The following NCOA3 variants were observed in gnomAD, a reference collection of about 807,000 sequenced individuals.
NCOA3 encodes CBP-interacting protein.
A neutral mutation model predicts 158.8 loss-of-function variants in NCOA3; 51 were observed. That is an observed-to-expected ratio of 0.32 (90% CI 0.26 to 0.41). The LOEUF (loss-of-function observed/expected upper bound fraction) is 0.41. Among genes scored for constraint, NCOA3 ranks in the 10% least tolerant of loss-of-function variants. The pLI is 1.00. For synonymous variants in NCOA3, 537 were observed against 592.4 expected (o/e 0.91, Z 1.36); for missense variants, 1,510 against 1,746.6 (o/e 0.86, Z 2.41).
At chr20:47,558,401 C>T (rs112158123) in intron 1 of NCOA3, among the ~76,000 whole-genome samples, 2,558 of 151,734 alleles carry the variant, frequency 0.017, 76 homozygotes, top group African/African-American at 0.059. Context: ...CTTACAAGGG[C>T]GCCAGTCATA....
At chr20:47,567,852 T>C (rs563916736) in intron 1 of NCOA3, among the ~76,000 whole-genome samples, 4 of 152,240 alleles carry the variant, frequency 2.6e-5, no homozygotes, top group Admixed American at 1.3e-4. Context: ...ATTACAGGTG[T>C]GAGCCACCGT....
intron 2 of NCOA3, among the ~76,000 whole-genome samples, chr20:47,610,383 C>G (rs1035065687): frequency 2.8e-4 from 43 of 152,078 alleles, no homozygotes; most frequent in African/African-American, 1.0e-3. Context: ...CCATGCCCAG[C>G]TAATTTTTGT....
At chr20:47,532,636 TAAAA>T (rs1055502326) in intron 1 of NCOA3, among the ~76,000 whole-genome samples, 6 of 151,958 alleles carry the variant, frequency 3.9e-5, no homozygotes, top group Non-Finnish European at 8.8e-5. Context: ...TGCAGCTAAT[TAAAA>T]AAATTTTTTT....
At chr20:47,515,560 C>T (rs2084221443) in intron 1 of NCOA3, among the ~76,000 whole-genome samples, 1 of 149,860 alleles carries the variant, frequency 6.7e-6, no homozygotes, top group Non-Finnish European at 1.5e-5. Context: ...GATCTCGGCT[C>T]ACTGCAGTCT....
chr20:47,577,399 G>T (rs776053440), intron 1 of NCOA3, among the ~76,000 whole-genome samples: 1 of 152,160 alleles, frequency 6.6e-6, no homozygotes, highest in Non-Finnish European at 1.5e-5. Context: ...TTTTGGATTT[G>T]TCTTGCTTTC....
intron 14 of NCOA3, 88 bp downstream of exon 14, chr20:47,639,290 A>G: frequency 1.7e-6 from 2 of 1,168,398 alleles, no homozygotes; most frequent in East Asian, 4.9e-5. Context: ...GGGAGTAAAT[A>G]ATAACTTTTT....
Position 47,636,053 on chromosome 20 carries a change from T to G in NCOA3, c.1667T>G (p.Ile556Ser), listed in dbSNP as rs1466845183. ...TTGGATAACTCTCCCAATATGAATA[T>G]TACCCAACCAAGTAAAGTAAGCAAT... ...PKLDNSPNMN[I>S]TQPSKVSNQD... Residue 556 changes from isoleucine to serine, a missense_variant, in exon 12 of 23, where the codon ATT becomes AGT. This residue lies in a region of NCOA3 where 1,017 missense variants were observed against 1,098.3 expected (regional missense o/e 0.93). Coordinates refer to ENST00000371998, the MANE Select transcript of NCOA3 (RefSeq NM_181659.3). 6.2e-7 allele frequency: 1 copy of G among 1,614,114 alleles called. No individual in the cohort carries two copies.
intron 1 of NCOA3, among the ~76,000 whole-genome samples, chr20:47,561,276 A>C (rs1477788648): frequency 8.1e-6 from 1 of 123,902 alleles, no homozygotes; most frequent in African/African-American, 3.0e-5. Context: ...GGACTGGCCA[A>C]TTTTTTTTTT....
At chr20:47,609,462 G>T (rs1168462288) in intron 2 of NCOA3, among the ~76,000 whole-genome samples, 1 of 152,162 alleles carries the variant, frequency 6.6e-6, no homozygotes, top group East Asian at 1.9e-4. Flanking sequence ...GGATAGGCAG[G>T]TTTTGTGAAG....
In NCOA3 at chr20:47,648,966, G is replaced by C. The variant is rs72645296; in HGVS notation, c.3547-39G>C. ...TGGAAAGCTGTTTTGGCAGACTGAC[G>C]TGCTCTGCTTGCATTCTAACCAACT... On this transcript the variant is annotated intron_variant, in intron 18 of 22. Coordinates refer to ENST00000371998, the MANE Select transcript of NCOA3 (RefSeq NM_181659.3). The C allele has an allele frequency of 5.8e-4, 762 of 1,316,688 alleles. 8 individuals carry two copies. The African/African-American group carries it at 0.01, about 17-fold the overall frequency. 81.6% of individuals were successfully genotyped at this position (1,316,688 alleles called of 1,614,324 possible). A position where few individuals can be genotyped will look rare whatever the true frequency, so the allele number is the denominator to read the frequency against.
intron 2 of NCOA3, among the ~76,000 whole-genome samples, chr20:47,603,245 C>A (rs574581120): frequency 1.3e-5 from 2 of 152,236 alleles, no homozygotes; most frequent in Non-Finnish European, 2.9e-5. Flanking sequence ...AAGATTTAGA[C>A]AATTTGCTTA....
At chr20:47,609,796 A>G (rs975829669) in intron 2 of NCOA3, among the ~76,000 whole-genome samples, 1 of 151,888 alleles carries the variant, frequency 6.6e-6, no homozygotes, top group Non-Finnish European at 1.5e-5. Flanking sequence ...AAACCAAGCT[A>G]TGTTGTATTT....
intron 1 of NCOA3, among the ~76,000 whole-genome samples, chr20:47,535,050 G>T (rs1243854630): frequency 6.7e-6 from 1 of 149,210 alleles, no homozygotes; most frequent in Non-Finnish European, 1.5e-5. Flanking sequence ...AATAATTAGC[G>T]TTATTATTAT....
intron 2 of NCOA3, among the ~76,000 whole-genome samples, chr20:47,595,673 CT>C (rs200632844): frequency 3.3e-3 from 459 of 138,600 alleles, no homozygotes; most frequent in Admixed American, 4.3e-3. Flanking sequence ...TGACATAAGG[CT>C]TTTTTTTTTT....
intron 1 of NCOA3, among the ~76,000 whole-genome samples, chr20:47,547,152 C>A (rs1004051391): frequency 6.6e-6 from 1 of 152,084 alleles, no homozygotes; most frequent in African/African-American, 2.4e-5. Flanking sequence ...GAATCCTAGT[C>A]CCCATTGCTC....
intron 2 of NCOA3, among the ~76,000 whole-genome samples, chr20:47,591,523 T>TAAA (rs2146239692): frequency 6.6e-6 from 1 of 152,338 alleles, no homozygotes; most frequent in Non-Finnish European, 1.5e-5. Context: ...TTCATCTTTA[T>TAAA]AGATGTGCAT....
chr20:47,505,138 T>C (rs2084012266), intron 1 of NCOA3, among the ~76,000 whole-genome samples: 1 of 143,894 alleles, frequency 6.9e-6, no homozygotes, highest in Non-Finnish European at 1.5e-5. Context: ...CTTGGCTCAC[T>C]GCAACCTCTG....
chr20:47,582,161 G>A (rs1243089420), intron 1 of NCOA3, among the ~76,000 whole-genome samples: 5 of 152,092 alleles, frequency 3.3e-5, no homozygotes, highest in Non-Finnish European at 7.4e-5. Context: ...AACTGTGACA[G>A]AGTACATATT....
rs1322208212 is a variant in NCOA3 at position 47,628,134 on chromosome 20, C to T, written c.823+111C>T. 7 of 681,304 alleles carry T rather than the reference C, an allele frequency of 1.0e-5. No homozygotes were observed. The Admixed American group carries it at 1.6e-4, about 16-fold the overall frequency. The allele number at this position is 681,304 out of a possible 1,614,324, so 42.2% of individuals were successfully genotyped here. A position where few individuals can be genotyped will look rare whatever the true frequency, so the allele number is the denominator to read the frequency against. On this transcript the variant is annotated intron_variant, in intron 8 of 22. Coordinates refer to ENST00000371998, the MANE Select transcript of NCOA3 (RefSeq NM_181659.3). The stretch of plus-strand genomic sequence containing the variant: ...ATCTGTACTATCATAGAAATGTATA[C>T]CTACTGTAATGAGTGCTTTATGTGT...
Sources: gnomAD v4.1 joint callset for allele counts (sites outside exome capture counted in the v4.1 genomes callset) on GRCh38, gnomAD v4.1.1 for gene constraint, gnomAD v4.1.1 regional missense constraint, MANE v1.5 for transcripts, NCBI Gene and HGNC (gene_info 2026-07-23, HGNC 2026-07-21) for gene names.